Variants in XRRA1 observed in about 807,000 individuals in gnomAD.
XRRA1 encodes X-ray radiation resistance-associated protein 1.
In XRRA1, 69 loss-of-function variants were observed where a neutral mutation model predicts 80.2. The observed-to-expected ratio is 0.86, with a 90% CI of 0.71 to 1.05. The LOEUF is 1.05. Among genes scored for constraint, XRRA1 ranks in the 50% least tolerant of loss-of-function variants. XRRA1 has a pLI of 0.00. For missense variants in XRRA1, 967 were observed against 976.4 expected, an observed-to-expected ratio of 0.99 and a Z score of 0.13; for synonymous variants, 348 against 389.9, an observed-to-expected ratio of 0.89 and a Z score of 1.27.
Position 74,859,174 on chromosome 11 carries a change from C to T in XRRA1, c.1154G>A (p.Ser385Asn), listed in dbSNP as rs1437362493. 2 of 1,606,654 alleles carry T rather than the reference C, an allele frequency of 1.2e-6. No individual in the cohort carries two copies. The change falls in exon 12 of 19, where the codon AGC becomes AAC. Residue 385 changes from serine to asparagine, a missense_variant. Coordinates refer to ENST00000684022, the MANE Select transcript of XRRA1 (RefSeq NM_001378157.1). ...APPFPELRYL[S>N]LAYNKIAKED... ...GAAAGTCACCTTGTTGTAGGCCAGG[C>T]TAAGGTATCTCAGCTCTGGGAAGGG...
At chr11:74,942,848 A>G (rs2139986906) in intron 2 of XRRA1, among the ~76,000 whole-genome samples, 1 of 152,368 alleles carries the variant, frequency 6.6e-6, no homozygotes, top group East Asian at 1.9e-4. Flanking sequence ...TAACAGGATG[A>G]GAAAAGCTTC....
chr11:74,851,282 A>G (rs1263308651), intron 13 of XRRA1, 79 bp from the exon 14 acceptor site: 1 of 1,093,386 alleles, frequency 9.1e-7, no homozygotes. Context: ...GCACTATTCA[A>G]ATTGCTTTAC....
At chr11:74,849,579 A>G (rs535705) in intron 14 of XRRA1, among the ~76,000 whole-genome samples, 28,945 of 152,004 alleles carry the variant, frequency 0.19, 2,907 homozygotes, top group South Asian at 0.38. Flanking sequence ...GCGGGAAGGG[A>G]CAGTTCCCCT....
At position 74,842,093 on chromosome 11, in the gene XRRA1, G is replaced by A. The variant is rs1326061258; in HGVS notation, c.*1107C>T. 3 of 151,460 alleles carry A rather than the reference G, an allele frequency of 2.0e-5. No individual in the cohort carries two copies. The highest frequency in any genetic ancestry group is 2.9e-5 in the Non-Finnish European group (2 of 67,960). 9.4% of individuals were successfully genotyped at this position (151,460 alleles called of 1,614,324 possible). ...TGTCCTAAGGGCCTTTTCCCCTCCT[G>A]CCTAGAAAATAGGTTGTGTATTGGT... On this transcript the variant is annotated 3_prime_UTR_variant, in exon 19 of 19. Coordinates refer to ENST00000684022, the MANE Select transcript of XRRA1 (RefSeq NM_001378157.1).
chr11:74,869,351 A>G (rs1356812486), intron 10 of XRRA1, among the ~76,000 whole-genome samples: 1 of 152,238 alleles, frequency 6.6e-6, no homozygotes, highest in East Asian at 1.9e-4. Context: ...ATTTAGGCAG[A>G]TAGGGTAAAA....
At chr11:74,890,013 A>C (rs1365671678) in intron 10 of XRRA1, among the ~76,000 whole-genome samples, 3 of 152,214 alleles carry the variant, frequency 2.0e-5, no homozygotes, top group Non-Finnish European at 4.4e-5. Flanking sequence ...GTTAACAAGG[A>C]TATCCAGGAA....
chr11:74,942,831 A>G (rs1286402056), intron 2 of XRRA1, among the ~76,000 whole-genome samples: 1 of 152,204 alleles, frequency 6.6e-6, no homozygotes, highest in Non-Finnish European at 1.5e-5. Flanking sequence ...TTCCATTACT[A>G]TGCTATTAAC....
intron 7 of XRRA1, among the ~76,000 whole-genome samples, chr11:74,926,620 G>T (rs1942301790): frequency 6.6e-6 from 1 of 152,102 alleles, no homozygotes; most frequent in Non-Finnish European, 1.5e-5. Flanking sequence ...TGACTCTCAG[G>T]TAGTGACAAA....
At chr11:74,858,223 C>G (rs1246783005) in intron 12 of XRRA1, among the ~76,000 whole-genome samples, 3 of 152,200 alleles carry the variant, frequency 2.0e-5, no homozygotes, top group African/African-American at 7.2e-5. Flanking sequence ...ACATAAATTA[C>G]CAATTTCAAG....
chr11:74,843,583 A>G (rs757003254), intron 18 of XRRA1, 130 bp from the exon 19 acceptor site: 4 of 1,328,388 alleles, frequency 3.0e-6, no homozygotes, highest in Non-Finnish European at 3.0e-6. Context: ...GGGGCTAAAA[A>G]TGGCCTTTCC....
At chr11:74,896,383 C>G (rs1772304532) in intron 10 of XRRA1, among the ~76,000 whole-genome samples, 1 of 152,220 alleles carries the variant, frequency 6.6e-6, no homozygotes, top group Non-Finnish European at 1.5e-5. Flanking sequence ...TGTCAGTGGC[C>G]TGGCAGAAAC....
At chr11:74,896,113 A>G (rs184760241) in intron 10 of XRRA1, among the ~76,000 whole-genome samples, 30 of 152,388 alleles carry the variant, frequency 2.0e-4, no homozygotes, top group African/African-American at 7.2e-4. Flanking sequence ...GCTATGGTGA[A>G]AGACTCAAAC....
chr11:74,939,773 A>G (rs574407903), intron 3 of XRRA1, among the ~76,000 whole-genome samples: 1 of 152,224 alleles, frequency 6.6e-6, no homozygotes, highest in Non-Finnish European at 1.5e-5. Context: ...ACTAAAACAT[A>G]TAGATATATA....
intron 14 of XRRA1, among the ~76,000 whole-genome samples, chr11:74,849,731 G>A (rs955473273): frequency 2.0e-5 from 3 of 152,190 alleles, no homozygotes; most frequent in Non-Finnish European, 2.9e-5. Flanking sequence ...TGCTTCAGTC[G>A]TGGGCTGGAT....
At chr11:74,866,263 C>CT (rs2043381618) in intron 10 of XRRA1, among the ~76,000 whole-genome samples, 1 of 151,758 alleles carries the variant, frequency 6.6e-6, no homozygotes, top group African/African-American at 2.4e-5. Context: ...TTGTTTTGTG[C>CT]TTTTTTTGGA....
chr11:74,851,646 A>G (rs2135560201), intron 13 of XRRA1, among the ~76,000 whole-genome samples: 1 of 152,326 alleles, frequency 6.6e-6, no homozygotes, highest in Non-Finnish European at 1.5e-5. Flanking sequence ...GAACTGTTCC[A>G]CAAAGCAGGG....
At chr11:74,925,203 G>T (rs140474459) in intron 7 of XRRA1, among the ~76,000 whole-genome samples, 6 of 152,380 alleles carry the variant, frequency 3.9e-5, no homozygotes, top group African/African-American at 1.4e-4. Flanking sequence ...AGGTAGGCAT[G>T]GCAAAGTACT....
chr11:74,942,531 C>G (rs958543520), intron 2 of XRRA1, among the ~76,000 whole-genome samples: 3 of 152,208 alleles, frequency 2.0e-5, no homozygotes, highest in Non-Finnish European at 2.9e-5. Flanking sequence ...GACATGTGCT[C>G]TCTCTCAGAG....
intron 10 of XRRA1, among the ~76,000 whole-genome samples, chr11:74,867,461 A>G (rs1233334813): frequency 6.6e-6 from 1 of 152,256 alleles, no homozygotes; most frequent in Admixed American, 6.5e-5. Flanking sequence ...AGAATCAACC[A>G]AGCTGAGGAA....
Sources: allele counts gnomAD v4.1 joint callset (sites outside exome capture counted in the v4.1 genomes callset), GRCh38; gene constraint gnomAD v4.1.1; transcripts MANE v1.5; gene names NCBI Gene and HGNC (gene_info 2026-07-23, HGNC 2026-07-21).